FSTL5: variants seen among roughly 807,000 people sequenced by gnomAD.
FSTL5 encodes the protein follistatin-related protein 5.
A neutral mutation model predicts 89.1 loss-of-function variants in FSTL5; 62 were observed. That is an observed-to-expected ratio of 0.70 (90% confidence interval 0.57 to 0.86). The LOEUF is 0.86. Among genes scored for constraint, FSTL5 ranks in the 40% least tolerant of loss-of-function variants. FSTL5 has a pLI of 0.00. For missense variants in FSTL5, 1,057 were observed against 1,001.6 expected, an observed-to-expected ratio of 1.06 and a Z score of -0.75; for synonymous variants, 383 against 346.2, an observed-to-expected ratio of 1.11 and a Z score of -1.18.
chr4:161,565,844 C>A (rs748275435), intron 8 of FSTL5, among the ~76,000 whole-genome samples: 8 of 148,232 alleles, frequency 5.4e-5, no homozygotes, highest in Admixed American at 1.4e-4. Context: ...GGTTCCATAT[C>A]TTTGCAATTG....
chr4:161,575,928 T>C (rs1733193942), intron 8 of FSTL5, among the ~76,000 whole-genome samples: 1 of 152,172 alleles, frequency 6.6e-6, no homozygotes, highest in Non-Finnish European at 1.5e-5. Context: ...CCCCATTGAC[T>C]CAGCCCCAAA....
intron 7 of FSTL5, among the ~76,000 whole-genome samples, chr4:161,621,299 C>T (rs1735113588): frequency 6.7e-6 from 1 of 150,020 alleles, no homozygotes; most frequent in Non-Finnish European, 1.5e-5. Flanking sequence ...CACACACACA[C>T]ACACACAAAC....
intron 4 of FSTL5, among the ~76,000 whole-genome samples, chr4:161,789,533 A>G (rs776556720): frequency 2.0e-5 from 3 of 152,198 alleles, no homozygotes; most frequent in Non-Finnish European, 4.4e-5. Context: ...AGCCAGGTTC[A>G]TAGCTATTTG....
intron 4 of FSTL5, among the ~76,000 whole-genome samples, chr4:161,884,722 T>C (rs1344335568): frequency 6.6e-6 from 1 of 152,214 alleles, no homozygotes; most frequent in Non-Finnish European, 1.5e-5. Flanking sequence ...ACTAATAATT[T>C]AATATTATGG....
chr4:161,976,729 C>T (rs554525123), intron 3 of FSTL5, among the ~76,000 whole-genome samples: 1 of 152,290 alleles, frequency 6.6e-6, no homozygotes, highest in East Asian at 1.9e-4. Context: ...GATCCACCCG[C>T]CTCAGCCTCC....
chr4:161,623,138 G>T (rs1735202371), intron 7 of FSTL5, among the ~76,000 whole-genome samples: 1 of 151,932 alleles, frequency 6.6e-6, no homozygotes, highest in Non-Finnish European at 1.5e-5. Context: ...CTGCCAACAG[G>T]TATATTCAAA....
rs139161417 is a variant in FSTL5, at chr4:161,852,835, G to T, written c.409+67569C>A. On this transcript the variant is annotated intron_variant, in intron 4 of 15. Transcript: ENST00000306100. ...AGGGACATGGATGGAGCTGGGGTCT[G>T]TTGGGGTGCGTGGGAGGAGGGAGAG... Among the ~76,000 whole-genome samples, 12 of 152,224 alleles carry T rather than the reference G, an allele frequency of 7.9e-5. No homozygotes were observed. The East Asian group carries it at 1.9e-3, about 25-fold the overall frequency.
At chr4:161,721,694 C>T (rs920417657) in intron 6 of FSTL5, among the ~76,000 whole-genome samples, 1 of 152,164 alleles carries the variant, frequency 6.6e-6, no homozygotes, top group East Asian at 1.9e-4. Context: ...AAACCTTGAC[C>T]TCATGGGCTA....
chr4:161,393,017 AGCCAGGTATGGT>A (rs2110881225), intron 15 of FSTL5, among the ~76,000 whole-genome samples: 1 of 152,070 alleles, frequency 6.6e-6, no homozygotes, highest in South Asian at 2.1e-4. Flanking sequence ...TACAAAAATT[AGCCAGGTATGGT>A]GCCATGCATC....
chr4:161,417,144 A>G (rs1578957311), intron 15 of FSTL5, among the ~76,000 whole-genome samples: 1 of 152,348 alleles, frequency 6.6e-6, no homozygotes, highest in East Asian at 1.9e-4. Context: ...CTATACTAAA[A>G]TCTCTGCATT....
chr4:161,567,049 T>C (rs958844915), intron 8 of FSTL5, among the ~76,000 whole-genome samples: 8 of 152,102 alleles, frequency 5.3e-5, no homozygotes, highest in African/African-American at 1.4e-4. Flanking sequence ...GTATGCTAAA[T>C]AACATAAAGA....
At chr4:161,644,880 A>T (rs1736094464) in intron 7 of FSTL5, among the ~76,000 whole-genome samples, 1 of 152,178 alleles carries the variant, frequency 6.6e-6, no homozygotes, top group South Asian at 2.1e-4. Context: ...ATAAGAGGAC[A>T]TAATGAATTT....
At chr4:161,761,937 C>T (rs1331124666) in intron 5 of FSTL5, among the ~76,000 whole-genome samples, 1 of 152,086 alleles carries the variant, frequency 6.6e-6, no homozygotes, top group African/African-American at 2.4e-5. Context: ...TATTTCTCTC[C>T]TTCATGTGTC....
chr4:161,514,098 G>C (rs928829200), intron 10 of FSTL5, among the ~76,000 whole-genome samples: 1 of 151,980 alleles, frequency 6.6e-6, no homozygotes, highest in African/African-American at 2.4e-5. Context: ...ATATTACTAA[G>C]TATAATATAA....
At chr4:161,403,322 T>C (rs1213398162) in intron 15 of FSTL5, among the ~76,000 whole-genome samples, 2 of 152,198 alleles carry the variant, frequency 1.3e-5, no homozygotes, top group Non-Finnish European at 2.9e-5. Flanking sequence ...TGTGTGTTTG[T>C]TTGTTTTCTA....
intron 10 of FSTL5, among the ~76,000 whole-genome samples, chr4:161,513,798 G>A (rs187738400): frequency 8.5e-5 from 13 of 152,162 alleles, no homozygotes; most frequent in Admixed American, 2.6e-4. Flanking sequence ...GTGAAAACAC[G>A]GAAACATGAA....
chr4:161,742,301 G>A (rs977661470), intron 6 of FSTL5, among the ~76,000 whole-genome samples: 1 of 152,116 alleles, frequency 6.6e-6, no homozygotes, highest in African/African-American at 2.4e-5. Flanking sequence ...TGGATTAAGA[G>A]TCAACAACAA....
chr4:162,066,208 T>A (rs570968627), intron 2 of FSTL5, among the ~76,000 whole-genome samples: 5 of 152,154 alleles, frequency 3.3e-5, no homozygotes, highest in South Asian at 4.1e-4. Flanking sequence ...TTTGTATGCT[T>A]GTTTGTCATC....
chr4:161,705,975 TATATATATATATATATATATAC>T lies in FSTL5; in HGVS notation c.728-49503_728-49482del, dbSNP rs1560800290. Among the ~76,000 whole-genome samples the T allele has an allele frequency of 0.01, 923 of 89,274 alleles. 78 individuals are homozygous for T. The South Asian group carries it at 0.14, about 13-fold the overall frequency. The allele number at this position is 89,274 out of a possible 152,430, so 58.6% of individuals were successfully genotyped here. On this transcript the variant is annotated intron_variant, in intron 6 of 15. Transcript: ENST00000306100. Reference sequence around the variant, plus strand: ...GTGTATATATATATATATATATATATATATATATATATATATATATACACACATCTACACACACACAGACTAT... The same window carrying T: ...GTGTATATATATATATATATATATATACACATCTACACACACACAGACTAT...
Sources: allele counts gnomAD v4.1 joint callset (sites outside exome capture counted in the v4.1 genomes callset), GRCh38; gene constraint gnomAD v4.1.1; transcripts MANE v1.5; gene names NCBI Gene and HGNC (gene_info 2026-07-23, HGNC 2026-07-21).